PTAR1: variants seen among roughly 807,000 people sequenced by gnomAD.
PTAR1 encodes protein prenyltransferase alpha subunit repeat containing 1.
PTAR1 carries 17 observed loss-of-function variants against 45.5 expected under a neutral mutation model. The observed-to-expected ratio is 0.37, with a 90% CI of 0.26 to 0.56. PTAR1 has a LOEUF of 0.56. Among genes scored for constraint, PTAR1 ranks in the 20% least tolerant of loss-of-function variants. The pLI, the probability that PTAR1 is intolerant of heterozygous loss-of-function variation, is 0.77. For synonymous variants in PTAR1, 169 were observed against 171.3 expected (o/e 0.99, Z 0.11); for missense variants, 391 against 476.3 (o/e 0.82, Z 1.67).
chr9:69,737,780 CATT>C (rs1235220967), intron 3 of PTAR1, among the ~76,000 whole-genome samples: 1 of 152,118 alleles, frequency 6.6e-6, no homozygotes, highest in Admixed American at 6.6e-5. Context: ...TAAATATCAT[CATT>C]GAGCCATATG....
chr9:69,720,521 G>C (rs1262965343), intron 6 of PTAR1, among the ~76,000 whole-genome samples: 1 of 152,192 alleles, frequency 6.6e-6, no homozygotes, highest in African/African-American at 2.4e-5. Flanking sequence ...TGTAGAAGCT[G>C]CAGCAAGGTA....
intron 2 of PTAR1, among the ~76,000 whole-genome samples, chr9:69,745,791 T>A (rs564441909): frequency 6.6e-6 from 1 of 152,320 alleles, no homozygotes; most frequent in South Asian, 2.1e-4. Flanking sequence ...ATTAGATGAT[T>A]AAATCCTTGA....
At chr9:69,731,382 G>T (rs1293079779) in intron 5 of PTAR1, among the ~76,000 whole-genome samples, 1 of 152,158 alleles carries the variant, frequency 6.6e-6, no homozygotes, top group African/African-American at 2.4e-5. Flanking sequence ...TTATGGCACT[G>T]TGACGCCATC....
At chr9:69,733,576 T>C (rs538039391) in intron 4 of PTAR1, among the ~76,000 whole-genome samples, 2 of 152,294 alleles carry the variant, frequency 1.3e-5, no homozygotes, top group African/African-American at 4.8e-5. Flanking sequence ...TCTGGCTATC[T>C]GTCCCATGCT....
intron 6 of PTAR1, among the ~76,000 whole-genome samples, chr9:69,722,272 T>TG (rs1825045673): frequency 6.6e-6 from 1 of 152,192 alleles, no homozygotes; most frequent in Non-Finnish European, 1.5e-5. Context: ...CATTTACAAA[T>TG]ACAATGCTAT....
At position 69,714,615 on chromosome 9, in the gene PTAR1, C is replaced by G. The variant is rs1256219187; in HGVS notation, c.*3727G>C. ...TACTATGTATTTGCTTTCCTGCAAA[C>G]TACTGCATAAAAATCCAAAAACTTT... On this transcript the variant is annotated 3_prime_UTR_variant, in exon 8 of 8. Transcript: ENST00000340434. 1 of 152,076 alleles carries G rather than the reference C, an allele frequency of 6.6e-6. No homozygotes were observed. The allele number at this position is 152,076 out of a possible 1,614,324, so 9.4% of individuals were successfully genotyped here.
chr9:69,713,797 G>A lies in PTAR1; in HGVS notation c.*4545C>T, dbSNP rs1229359317. 6.6e-6 allele frequency: 1 copy of A among 152,046 alleles called. No individual in the cohort carries two copies. The highest frequency in any genetic ancestry group is 1.5e-5 in the Non-Finnish European group (1 of 68,004). The allele number at this position is 152,046 out of a possible 1,614,324, so 9.4% of individuals were successfully genotyped here. On this transcript the variant is annotated 3_prime_UTR_variant, in exon 8 of 8. Transcript: ENST00000340434. ...AGAAAGAAAGAACTAAATCTTGGTAGGGTGCTTAAAATGATAACTAATGGA... is the reference window on the plus strand; with the variant it reads ...AGAAAGAAAGAACTAAATCTTGGTAAGGTGCTTAAAATGATAACTAATGGA...
chr9:69,750,780 C>T lies in PTAR1; in HGVS notation c.256+1G>A. On this transcript the variant is annotated splice_donor_variant, in intron 2 of 7. Coordinates refer to ENST00000340434, the MANE Select transcript of PTAR1 (RefSeq NM_001099666.2). LOFTEE classifies it high-confidence loss of function. ...ATGAAGAAAATATGATTCATACTTA[C>T]CATCTCTGTTCAGCCATTGCTTTCT... The T allele has an allele frequency of 6.2e-7, 1 of 1,602,402 alleles. No homozygotes were observed. Among genetic ancestry groups the T allele is most frequent in the South Asian group, 1.1e-5 (1 of 89,270 alleles).
chr9:69,721,004 A>G (rs530691501), intron 6 of PTAR1, among the ~76,000 whole-genome samples: 40 of 152,312 alleles, frequency 2.6e-4, no homozygotes, highest in African/African-American at 9.4e-4. Flanking sequence ...TCTCTAGTCC[A>G]TGGATCAAGC....
chr9:69,742,777 T>C lies in PTAR1; in HGVS notation c.257-919A>G, dbSNP rs559209779. Among the ~76,000 whole-genome samples, 6 of 152,264 alleles carry C rather than the reference T, an allele frequency of 3.9e-5. No homozygotes were observed. The South Asian group carries it at 1.0e-3, about 26-fold the overall frequency. On this transcript the variant is annotated intron_variant, in intron 2 of 7. Coordinates refer to ENST00000340434, the MANE Select transcript of PTAR1 (RefSeq NM_001099666.2). ...GTGACAGATAAAAAATTACAATTCA[T>C]TTGTTTTAATTTACATTTGTTAATA...
intron 5 of PTAR1, among the ~76,000 whole-genome samples, chr9:69,725,175 C>T (rs538970296): frequency 1.3e-5 from 2 of 152,230 alleles, no homozygotes; most frequent in African/African-American, 4.8e-5. Context: ...GAAAAGAGTA[C>T]TCCACTTATT....
rs1824610788 is a variant in PTAR1, at chr9:69,713,678, C to T, written c.*4664G>A. The T allele has an allele frequency of 6.6e-6, 1 of 152,080 alleles. No individual in the cohort carries two copies. Among genetic ancestry groups the T allele is most frequent in the Admixed American group, 6.6e-5 (1 of 15,224 alleles). The allele number at this position is 152,080 out of a possible 1,614,324, so 9.4% of individuals were successfully genotyped here. On this transcript the variant is annotated 3_prime_UTR_variant, in exon 8 of 8. Coordinates refer to ENST00000340434, the MANE Select transcript of PTAR1 (RefSeq NM_001099666.2). ...GCCTTTATTTTAGGGCAGAGTGCCA[C>T]TGTTTCCCTTTGGACGCAGGTTTCA...
intron 3 of PTAR1, among the ~76,000 whole-genome samples, chr9:69,737,309 G>A (rs1825835799): frequency 6.6e-6 from 1 of 152,064 alleles, no homozygotes; most frequent in South Asian, 2.1e-4. Flanking sequence ...TCAAACTTCT[G>A]AGCTCAAGCA....
At chr9:69,739,465 C>T (rs1456625011) in intron 3 of PTAR1, among the ~76,000 whole-genome samples, 1 of 151,496 alleles carries the variant, frequency 6.6e-6, no homozygotes, top group African/African-American at 2.4e-5. Flanking sequence ...GTATCACTCA[C>T]TGTAATTACA....
rs187465733 is a variant in PTAR1 at position 69,748,736 on chromosome 9, T to C, written c.256+2045A>G. Among the ~76,000 whole-genome samples, 451 of 152,272 alleles carry C rather than the reference T, an allele frequency of 3.0e-3. 1 individual carries two copies. The highest frequency in any genetic ancestry group is 9.9e-3 in the African/African-American group (412 of 41,564). On this transcript the variant is annotated intron_variant, in intron 2 of 7. Transcript: ENST00000340434. The stretch of plus-strand genomic sequence containing the variant: ...AAATAACTGCTTTTTCCTAACATTT[T>C]TGACATGTTTTTCTTAGCAAGATTC...
intron 6 of PTAR1, among the ~76,000 whole-genome samples, chr9:69,721,212 G>C (rs193195972): frequency 1.3e-5 from 2 of 149,748 alleles, no homozygotes; most frequent in Non-Finnish European, 2.9e-5. Flanking sequence ...AACTTTGAGA[G>C]AAGGTGATTC....
chr9:69,734,828 A>G (rs148926000), intron 3 of PTAR1, among the ~76,000 whole-genome samples: 144 of 152,310 alleles, frequency 9.5e-4, no homozygotes, highest in African/African-American at 3.3e-3. Flanking sequence ...ACATTTTAAC[A>G]TATAATTTTA....
chr9:69,743,143 T>C (rs781563200), intron 2 of PTAR1, among the ~76,000 whole-genome samples: 5 of 152,178 alleles, frequency 3.3e-5, no homozygotes, highest in Non-Finnish European at 4.4e-5. Flanking sequence ...CTTTATTTTA[T>C]ATTATTTCAC....
At chr9:69,741,173 C>T (rs1452730833) in intron 3 of PTAR1, among the ~76,000 whole-genome samples, 3 of 152,116 alleles carry the variant, frequency 2.0e-5, no homozygotes, top group African/African-American at 7.2e-5. Context: ...GCTTTAAAAC[C>T]ATCTATATGT....
Sources: gnomAD v4.1 joint callset for allele counts (sites outside exome capture counted in the v4.1 genomes callset) on GRCh38, gnomAD v4.1.1 for gene constraint, MANE v1.5 for transcripts, NCBI Gene and HGNC (gene_info 2026-07-23, HGNC 2026-07-21) for gene names.